The following GDA variants were observed in gnomAD, a reference collection of about 807,000 sequenced individuals.
The protein encoded by GDA is guanine deaminase, also known as cytoplasmic PSD-95 interactor.
In GDA, 18 loss-of-function variants were observed where a neutral mutation model predicts 59.6. That is an observed-to-expected ratio of 0.30 (90% CI 0.21 to 0.45). The LOEUF is 0.45. GDA is among the 20% of genes least tolerant of loss of function. The pLI is 1.00. For synonymous variants in GDA, 201 were observed against 201.1 expected (o/e 1.00, Z 0.00); for missense variants, 427 against 552.3 (o/e 0.77, Z 2.27).
At chr9:72,190,210 C>T (rs149365584) in intron 1 of GDA, among the ~76,000 whole-genome samples, 6,234 of 152,156 alleles carry the variant, frequency 0.041, 425 homozygotes, top group African/African-American at 0.14. Context: ...TCACTGCAAC[C>T]TCCGCCTCCC....
intron 1 of GDA, among the ~76,000 whole-genome samples, chr9:72,170,199 A>G (rs1327550136): frequency 6.6e-6 from 1 of 152,250 alleles, no homozygotes; most frequent in Non-Finnish European, 1.5e-5. Flanking sequence ...ATGAAAACAC[A>G]TAATTATTCC....
chr9:72,192,367 G>A (rs941823449), intron 1 of GDA, among the ~76,000 whole-genome samples: 11 of 149,706 alleles, frequency 7.3e-5, no homozygotes, highest in Admixed American at 1.3e-4. Flanking sequence ...GAGTAGCTGG[G>A]ATTACAGGTG....
In GDA at chr9:72,251,044, CA is replaced by C. The variant is rs1371293327; in HGVS notation, c.*2703del. The C allele has an allele frequency of 5.7e-6, 3 of 523,342 alleles. No homozygotes were observed. In the East Asian group the frequency reaches 1.0e-4, roughly 18 times the overall value. 32.4% of individuals were successfully genotyped at this position (523,342 alleles called of 1,614,324 possible). On this transcript the variant is annotated 3_prime_UTR_variant, in exon 14 of 14. Coordinates refer to ENST00000358399, the MANE Select transcript of GDA (RefSeq NM_004293.5). ...AATTTATTCTCTTGGCTGGTTCTCT[CA>C]TTGAATTATCAGACCCCAAGAGGAG...
intron 8 of GDA, among the ~76,000 whole-genome samples, chr9:72,226,270 A>C (rs1430998893): frequency 6.6e-6 from 1 of 152,200 alleles, no homozygotes; most frequent in African/African-American, 2.4e-5. Context: ...ATTACAGAGC[A>C]TACATAGGAT....
chr9:72,199,994 CTTTTTT>C (rs1271694156), intron 2 of GDA, among the ~76,000 whole-genome samples: 1 of 119,846 alleles, frequency 8.3e-6, no homozygotes, highest in Non-Finnish European at 1.7e-5. Flanking sequence ...TGAATCCTTT[CTTTTTT>C]TTTTTTTTTT....
At chr9:72,160,463 G>A (rs1828480014) in intron 1 of GDA, among the ~76,000 whole-genome samples, 1 of 152,108 alleles carries the variant, frequency 6.6e-6, no homozygotes, top group Non-Finnish European at 1.5e-5. Context: ...GGATATTTCG[G>A]ATAGATGGAC....
At position 72,225,770 on chromosome 9, in the gene GDA, C is replaced by G. The variant is rs1248069717; in HGVS notation, c.808C>G (p.Leu270Val). ...NYTSVYDKNN[L>V]LTNKTVMAHG... ...CACATCTGTGTATGATAAAAACAAT[C>G]TTTTGACAAATAAGGTAAGTTTTAT... The change falls in exon 8 of 14, where the codon CTT becomes GTT. Residue 270 changes from leucine to valine, a missense_variant. Coordinates refer to ENST00000358399, the MANE Select transcript of GDA (RefSeq NM_004293.5). 2 of 1,342,544 alleles carry G rather than the reference C, an allele frequency of 1.5e-6. No individual in the cohort carries two copies. The highest frequency in any genetic ancestry group is 2.5e-5 in the South Asian group (2 of 79,060). 83.2% of individuals were successfully genotyped at this position (1,342,544 alleles called of 1,614,324 possible). A position where few individuals can be genotyped will look rare whatever the true frequency, so the allele number is the denominator to read the frequency against.
At chr9:72,122,785 A>G (rs1825707977) in intron 1 of GDA, among the ~76,000 whole-genome samples, 1 of 152,116 alleles carries the variant, frequency 6.6e-6, no homozygotes, top group African/African-American at 2.4e-5. Context: ...CATGTCTTCA[A>G]GATTATCCAG....
intron 1 of GDA, among the ~76,000 whole-genome samples, chr9:72,117,848 T>C (rs771512898): frequency 1.1e-4 from 17 of 152,148 alleles, no homozygotes; most frequent in Non-Finnish European, 2.4e-4. Context: ...CACAAAAGAA[T>C]GGAGGATTTG....
At chr9:72,147,676 C>T (rs1428191599), upstream of GDA, among the ~76,000 whole-genome samples, 9 of 151,644 alleles carry the variant, frequency 5.9e-5, no homozygotes, top group South Asian at 2.1e-4. Context: ...AATTATTAAC[C>T]GTATCTGTTT....
intron 3 of GDA, among the ~76,000 whole-genome samples, chr9:72,204,150 A>G (rs1834372675): frequency 6.6e-6 from 1 of 152,154 alleles, no homozygotes; most frequent in Non-Finnish European, 1.5e-5. Context: ...TGCCTCACGT[A>G]ATTATAAATT....
At chr9:72,153,313 T>C (rs1184705893) in intron 1 of GDA, among the ~76,000 whole-genome samples, 1 of 152,104 alleles carries the variant, frequency 6.6e-6, no homozygotes, top group African/African-American at 2.4e-5. Flanking sequence ...AGTAGTTTTT[T>C]CCAATTCTGT....
At chr9:72,188,377 A>C (rs1239424711) in intron 1 of GDA, among the ~76,000 whole-genome samples, 2 of 152,198 alleles carry the variant, frequency 1.3e-5, no homozygotes, top group African/African-American at 4.8e-5. Context: ...GACCGACCTC[A>C]CATCTCTGCT....
At chr9:72,219,756 AT>A in intron 6 of GDA, among the ~76,000 whole-genome samples, 2 of 152,320 alleles carry the variant, frequency 1.3e-5, no homozygotes, top group East Asian at 3.9e-4. Flanking sequence ...CAATGTGATG[AT>A]TTGATATATT....
At chr9:72,195,632 C>A in intron 2 of GDA, 44 bp downstream of exon 2, 1 of 785,194 alleles carries the variant, frequency 1.3e-6, no homozygotes, top group Non-Finnish European at 2.1e-6. Context: ...CACTAATAAG[C>A]TTAAATTATA....
At chr9:72,180,011 G>T (rs1161300107) in intron 1 of GDA, among the ~76,000 whole-genome samples, 1 of 151,662 alleles carries the variant, frequency 6.6e-6, no homozygotes, top group Non-Finnish European at 1.5e-5. Flanking sequence ...TTAAATTGGG[G>T]TGGGAGGGGA....
intron 8 of GDA, among the ~76,000 whole-genome samples, chr9:72,227,280 CAT>C (rs150702920): frequency 0.23 from 35,601 of 152,064 alleles, 5,131 homozygotes; most frequent in East Asian, 0.53. Flanking sequence ...AGAGAGGTCT[CAT>C]GTGTGTGCAG....
chr9:72,116,555 G>A (rs547099344), intron 1 of GDA, among the ~76,000 whole-genome samples: 2 of 151,884 alleles, frequency 1.3e-5, no homozygotes, highest in South Asian at 2.1e-4. Context: ...GCTAATTTTT[G>A]TATTTTTAGT....
chr9:72,147,906 G>C (rs1244542684), upstream of GDA, among the ~76,000 whole-genome samples: 2 of 152,148 alleles, frequency 1.3e-5, no homozygotes, highest in Non-Finnish European at 2.9e-5. Context: ...CCTAATTCTG[G>C]ATCCCTGGTA....
Sources: allele counts gnomAD v4.1 joint callset (sites outside exome capture counted in the v4.1 genomes callset), GRCh38; gene constraint gnomAD v4.1.1; transcripts MANE v1.5; gene names NCBI Gene and HGNC (gene_info 2026-07-23, HGNC 2026-07-21).